Variants in MEGF11 observed in about 807,000 individuals in gnomAD.
The protein encoded by MEGF11 is multiple epidermal growth factor-like domains protein 11.
A neutral mutation model predicts 146.6 loss-of-function variants in MEGF11; 126 were observed. The observed-to-expected ratio is 0.86, with a 90% CI of 0.74 to 1.00. The LOEUF is 1.00. Among genes scored for constraint, MEGF11 ranks in the 50% least tolerant of loss-of-function variants. The pLI is 0.00. For synonymous variants in MEGF11, 532 were observed against 583.4 expected, an observed-to-expected ratio of 0.91 and a Z score of 1.27; for missense variants, 1,509 against 1,521.2, an observed-to-expected ratio of 0.99 and a Z score of 0.13.
At chr15:66,016,763 A>G (rs181627142) in intron 5 of MEGF11, among the ~76,000 whole-genome samples, 1 of 152,348 alleles carries the variant, frequency 6.6e-6, no homozygotes, top group Non-Finnish European at 1.5e-5. Context: ...AATTTATTAT[A>G]AATATAAATT....
intron 5 of MEGF11, among the ~76,000 whole-genome samples, chr15:66,016,487 T>G (rs1288307021): frequency 6.6e-6 from 1 of 151,268 alleles, no homozygotes; most frequent in African/African-American, 2.4e-5. Flanking sequence ...CAGTTTTTTT[T>G]TTTTTTTTTT....
intron 1 of MEGF11, among the ~76,000 whole-genome samples, chr15:66,147,042 G>A (rs137981299): frequency 1.3e-5 from 2 of 152,262 alleles, no homozygotes; most frequent in Non-Finnish European, 2.9e-5. Flanking sequence ...GGGGATAAAC[G>A]GTAGCCCAAT....
At chr15:66,018,352 C>T (rs1377661189) in intron 5 of MEGF11, among the ~76,000 whole-genome samples, 1 of 152,244 alleles carries the variant, frequency 6.6e-6, no homozygotes. Flanking sequence ...GGAGAAGTGA[C>T]ACCTGTGGCT....
chr15:66,134,103 T>C (rs1394001887), intron 1 of MEGF11, among the ~76,000 whole-genome samples: 1 of 152,196 alleles, frequency 6.6e-6, no homozygotes, highest in African/African-American at 2.4e-5. Flanking sequence ...TCCTGTCCCC[T>C]GCACTCTCAA....
intron 1 of MEGF11, among the ~76,000 whole-genome samples, chr15:66,188,232 T>C (rs979157694): frequency 4.6e-5 from 7 of 152,102 alleles, no homozygotes; most frequent in African/African-American, 1.7e-4. Flanking sequence ...CCACTGGGGA[T>C]CTATATATAT....
intron 1 of MEGF11, among the ~76,000 whole-genome samples, chr15:66,169,834 C>T (rs954748424): frequency 6.6e-5 from 10 of 152,202 alleles, no homozygotes; most frequent in East Asian, 1.9e-4. Flanking sequence ...CCGCGGCAGC[C>T]GGACCATCCC....
intron 1 of MEGF11, among the ~76,000 whole-genome samples, chr15:66,148,636 T>C (rs1447433581): frequency 1.6e-4 from 25 of 152,088 alleles, no homozygotes; most frequent in Admixed American, 1.6e-3. Flanking sequence ...CACTGTGTTC[T>C]TGCCCACCTC....
intron 10 of MEGF11, among the ~76,000 whole-genome samples, chr15:65,951,604 G>A (rs1458101389): frequency 3.3e-5 from 5 of 152,094 alleles, no homozygotes; most frequent in Admixed American, 6.6e-5. Flanking sequence ...AGAGAATTGC[G>A]TGAACCCGGG....
chr15:66,175,442 A>G (rs1317089780), intron 1 of MEGF11, among the ~76,000 whole-genome samples: 1 of 152,230 alleles, frequency 6.6e-6, no homozygotes. Context: ...TATAGTAACC[A>G]AAAAAGCATG....
At chr15:66,170,104 A>G (rs2090207037) in intron 1 of MEGF11, among the ~76,000 whole-genome samples, 2 of 152,226 alleles carry the variant, frequency 1.3e-5, no homozygotes, top group Admixed American at 1.3e-4. Context: ...AAAAGACTGC[A>G]CTAAAGACAG....
chr15:65,896,524 T>G lies in MEGF11; in HGVS notation c.*1410A>C, dbSNP rs796411290. 1 of 152,808 alleles carries G rather than the reference T, an allele frequency of 6.5e-6. No individual in the cohort carries two copies. Among genetic ancestry groups the G allele is most frequent in the African/African-American group, 2.4e-5 (1 of 41,584 alleles). 9.5% of individuals were successfully genotyped at this position (152,808 alleles called of 1,614,324 possible). A position where few individuals can be genotyped will look rare whatever the true frequency, so the allele number is the denominator to read the frequency against. On this transcript the variant is annotated 3_prime_UTR_variant, in exon 26 of 26. Transcript: ENST00000395614. The stretch of plus-strand genomic sequence containing the variant: ...TGGAAGTGTTTTTTACTGGCTGGAC[T>G]GTACCAGTGAATAGAGTGGTACAGG...
intron 5 of MEGF11, among the ~76,000 whole-genome samples, chr15:66,081,520 A>C (rs1393656291): frequency 6.6e-6 from 1 of 152,154 alleles, no homozygotes; most frequent in Non-Finnish European, 1.5e-5. Context: ...CTGGGATTAC[A>C]GGCGCCCTCC....
At chr15:65,981,162 T>TGAGGAAGGCTTCCCAAG (rs1245381997) in intron 6 of MEGF11, among the ~76,000 whole-genome samples, 3 of 152,154 alleles carry the variant, frequency 2.0e-5, no homozygotes, top group African/African-American at 7.2e-5. Context: ...GGGAGGAGGC[T>TGAGGAAGGCTTCCCAAG]GAGGAAGGCT....
At chr15:66,174,534 C>G (rs984880802) in intron 1 of MEGF11, among the ~76,000 whole-genome samples, 7 of 152,040 alleles carry the variant, frequency 4.6e-5, no homozygotes, top group African/African-American at 1.7e-4. Flanking sequence ...ATCAGATGAG[C>G]TTTAGTGCTG....
chr15:66,225,652 T>C (rs548288547), intron 1 of MEGF11, among the ~76,000 whole-genome samples: 1 of 152,176 alleles, frequency 6.6e-6, no homozygotes, highest in Admixed American at 6.5e-5. Flanking sequence ...AGCACACACA[T>C]GCACATATAA....
At chr15:65,920,628 CAA>C (rs1464129010) in intron 15 of MEGF11, among the ~76,000 whole-genome samples, 1 of 152,136 alleles carries the variant, frequency 6.6e-6, no homozygotes, top group Non-Finnish European at 1.5e-5. Flanking sequence ...AAGAGTAAGG[CAA>C]AGAGAGGGGC....
chr15:66,186,931 C>T (rs1378323664), intron 1 of MEGF11, among the ~76,000 whole-genome samples: 1 of 152,186 alleles, frequency 6.6e-6, no homozygotes, highest in African/African-American at 2.4e-5. Context: ...GAAGTGAATC[C>T]TATCTACAAT....
Position 66,064,151 on chromosome 15 carries a change from T to C in MEGF11, c.394+30251A>G, listed in dbSNP as rs138732542. 1.8e-3 allele frequency among the ~76,000 whole-genome samples: 281 copies of C among 152,242 alleles called. 3 individuals carry two copies. The highest frequency in any genetic ancestry group is 3.1e-4 in the Non-Finnish European group (21 of 68,010). ...TGGAGGCTAAGGAAGGCAGATCACT[T>C]GAGGTCAGGAGTTCGAGATCAGATT... is the stretch of plus-strand genomic sequence containing the variant. On this transcript the variant is annotated intron_variant, in intron 5 of 25. Transcript: ENST00000395614.
chr15:66,188,740 C>T (rs929423071), intron 1 of MEGF11, among the ~76,000 whole-genome samples: 6 of 152,222 alleles, frequency 3.9e-5, no homozygotes, highest in African/African-American at 1.4e-4. Flanking sequence ...GCCTAGACAG[C>T]CATCTGGTGT....
Sources: allele counts gnomAD v4.1 joint callset (sites outside exome capture counted in the v4.1 genomes callset), GRCh38; gene constraint gnomAD v4.1.1; transcripts MANE v1.5; gene names NCBI Gene and HGNC (gene_info 2026-07-23, HGNC 2026-07-21).